Variants in SH3BGRL2 observed in about 807,000 individuals in gnomAD.
SH3BGRL2 encodes SH3 domain binding glutamate rich protein like 2, also known as SH3 domain-binding glutamic acid-rich-like protein 2.
Under a neutral mutation model 14.8 loss-of-function variants are expected in SH3BGRL2, and 21 were observed. The observed-to-expected ratio is 1.42, with a 90% CI of 1.01 to 2.05. The LOEUF is 2.05. Ranked by LOEUF, SH3BGRL2 falls within the 30% of genes most tolerant of loss-of-function variation. The pLI, the probability that SH3BGRL2 is intolerant of heterozygous loss-of-function variation, is 0.00. For synonymous variants in SH3BGRL2, 50 were observed against 47.8 expected, an observed-to-expected ratio of 1.05 and a Z score of -0.19; for missense variants, 147 against 130.8, an observed-to-expected ratio of 1.12 and a Z score of -0.61.
intron 1 of SH3BGRL2, among the ~76,000 whole-genome samples, chr6:79,649,250 G>A (rs768546970): frequency 2.0e-5 from 3 of 152,176 alleles, no homozygotes; most frequent in Non-Finnish European, 4.4e-5. Flanking sequence ...CTCTGGGAAT[G>A]TCAGCACACC....
the SH3BGRL2 span, among the ~76,000 whole-genome samples, chr6:79,594,882 T>C: frequency 6.6e-6 from 1 of 152,256 alleles, no homozygotes; most frequent in East Asian, 1.9e-4. Context: ...TACAAGACAA[T>C]TTAGGATTAT....
At chr6:79,671,629 G>C (rs551338590) in intron 1 of SH3BGRL2, among the ~76,000 whole-genome samples, 4 of 152,336 alleles carry the variant, frequency 2.6e-5, no homozygotes, top group African/African-American at 9.6e-5. Context: ...AAATGATTGT[G>C]TATGTTATGG....
chr6:79,592,971 C>T, the SH3BGRL2 span, among the ~76,000 whole-genome samples: 3,592 of 152,114 alleles, frequency 0.024, 136 homozygotes, highest in African/African-American at 0.081. Context: ...TTCTGCTGGG[C>T]GTAGAACAAT....
the SH3BGRL2 span, among the ~76,000 whole-genome samples, chr6:79,557,670 A>T: frequency 5.3e-5 from 8 of 152,222 alleles, no homozygotes; most frequent in East Asian, 1.5e-3. Flanking sequence ...TGAGCAGTAC[A>T]AGAAAGTGCA....
the SH3BGRL2 span, among the ~76,000 whole-genome samples, chr6:79,560,347 G>A: frequency 1.3e-5 from 2 of 152,176 alleles, no homozygotes; most frequent in Non-Finnish European, 2.9e-5. Flanking sequence ...TAACAGTAGA[G>A]TTATTGAACA....
chr6:79,683,047 T>C (rs1770019292), intron 2 of SH3BGRL2, among the ~76,000 whole-genome samples: 1 of 152,062 alleles, frequency 6.6e-6, no homozygotes, highest in Non-Finnish European at 1.5e-5. Flanking sequence ...CCAGGGCCTG[T>C]CGAGCGGGGG....
intron 1 of SH3BGRL2, among the ~76,000 whole-genome samples, chr6:79,657,511 A>G (rs1419660178): frequency 1.3e-5 from 2 of 152,220 alleles, no homozygotes; most frequent in African/African-American, 4.8e-5. Context: ...CGCTGATTTT[A>G]GTCTTTTGAC....
At chr6:79,567,734 A>C in the SH3BGRL2 span, among the ~76,000 whole-genome samples, 3 of 152,262 alleles carry the variant, frequency 2.0e-5, no homozygotes, top group Non-Finnish European at 2.9e-5. Context: ...GCAAAGTAAA[A>C]GAGATAAATA....
chr6:79,630,913 G>C (rs1768808787), upstream of SH3BGRL2, among the ~76,000 whole-genome samples: 2 of 152,134 alleles, frequency 1.3e-5, no homozygotes, highest in Admixed American at 1.3e-4. Context: ...CAGGTAGCTG[G>C]GGTTTGCCCG....
At chr6:79,617,512 T>G in the SH3BGRL2 span, among the ~76,000 whole-genome samples, 23 of 152,182 alleles carry the variant, frequency 1.5e-4, no homozygotes, top group African/African-American at 5.3e-4. Context: ...TTTATACTTT[T>G]GTTTTTTGAA....
the SH3BGRL2 span, among the ~76,000 whole-genome samples, chr6:79,620,367 G>GA: frequency 2.0e-5 from 3 of 151,984 alleles, no homozygotes; most frequent in East Asian, 5.8e-4. Context: ...ATGGCAAAAA[G>GA]AAAATAGTGC....
At chr6:79,563,555 A>G in the SH3BGRL2 span, among the ~76,000 whole-genome samples, 2,829 of 152,204 alleles carry the variant, frequency 0.019, 86 homozygotes, top group African/African-American at 0.065. Flanking sequence ...CTACACATAG[A>G]AACTTTTCTC....
chr6:79,569,785 A>G, the SH3BGRL2 span, among the ~76,000 whole-genome samples: 1 of 152,184 alleles, frequency 6.6e-6, no homozygotes, highest in African/African-American at 2.4e-5. Context: ...TCCTAATTCT[A>G]AAGTGGGTTT....
chr6:79,689,750 A>G (rs1262226947), intron 2 of SH3BGRL2, among the ~76,000 whole-genome samples: 1 of 152,094 alleles, frequency 6.6e-6, no homozygotes, highest in African/African-American at 2.4e-5. Flanking sequence ...TCATTTTAAG[A>G]TTAAGGTTTT....
intron 2 of SH3BGRL2, among the ~76,000 whole-genome samples, chr6:79,675,369 A>C (rs1401804822): frequency 3.9e-5 from 6 of 152,104 alleles, no homozygotes; most frequent in African/African-American, 1.4e-4. Flanking sequence ...TGTTTTTGTC[A>C]GTTTACTCTA....
the SH3BGRL2 span, among the ~76,000 whole-genome samples, chr6:79,589,195 T>C: frequency 4.3e-5 from 3 of 69,264 alleles, no homozygotes. Flanking sequence ...TTATCCTATA[T>C]ATATATATAT....
chr6:79,581,194 G>A, the SH3BGRL2 span, among the ~76,000 whole-genome samples: 5 of 152,178 alleles, frequency 3.3e-5, no homozygotes, highest in South Asian at 6.2e-4. Context: ...ATTCACAGCC[G>A]AATTCTACCA....
chr6:79,571,512 A>G, the SH3BGRL2 span, among the ~76,000 whole-genome samples: 2 of 152,176 alleles, frequency 1.3e-5, no homozygotes, highest in Admixed American at 6.5e-5. Context: ...ATAATTGGCA[A>G]ATAGAAATTG....
the SH3BGRL2 span, among the ~76,000 whole-genome samples, chr6:79,553,439 G>A: frequency 6.6e-6 from 1 of 152,144 alleles, no homozygotes; most frequent in Admixed American, 6.6e-5. Context: ...ATCCATACTT[G>A]TGGCTCCAAT....
Sources: allele counts gnomAD v4.1 joint callset (sites outside exome capture counted in the v4.1 genomes callset), GRCh38; gene constraint gnomAD v4.1.1; transcripts MANE v1.5; gene names NCBI Gene and HGNC (gene_info 2026-07-23, HGNC 2026-07-21).